The following RAB27A variants were observed in gnomAD, a reference collection of about 807,000 sequenced individuals.
The protein encoded by RAB27A is RAB27A, member RAS oncogene family.
A neutral mutation model predicts 20.8 loss-of-function variants in RAB27A; 17 were observed. The ratio of observed to expected loss-of-function variants is 0.82; its 90% CI spans 0.56 to 1.23. The LOEUF (loss-of-function observed/expected upper bound fraction) is 1.23, where lower values mean the gene tolerates loss of function less well. Among genes scored for constraint, RAB27A ranks in the 50% most tolerant of loss-of-function variants. RAB27A has a pLI of 0.00. For missense variants in RAB27A, 277 were observed against 266.7 expected (o/e 1.04, Z -0.27); for synonymous variants, 85 against 92.8 (o/e 0.92, Z 0.48).
intron 2 of RAB27A, among the ~76,000 whole-genome samples, chr15:55,250,879 T>G (rs1896863668): frequency 6.6e-6 from 1 of 152,198 alleles, no homozygotes; most frequent in Non-Finnish European, 1.5e-5. Context: ...ATAAAACTGT[T>G]TCTTCAAATA....
rs1395750796 is a variant in RAB27A at position 55,209,807 on chromosome 15, TAC to T, written c.468-4104_468-4103del. ...ACATATGTGTGTATGTATACATATA[TAC>T]ACACATGTGTGTATATATACATATA... On this transcript the variant is annotated intron_variant, in intron 6 of 6. Coordinates refer to ENST00000336787, the MANE Select transcript of RAB27A (RefSeq NM_183235.3). 1.1e-4 allele frequency among the ~76,000 whole-genome samples: 14 copies of T among 125,582 alleles called. 2 individuals are homozygous for T. The highest frequency in any genetic ancestry group is 2.9e-4 in the African/African-American group (8 of 27,960). The allele number at this position is 125,582 out of a possible 152,430, so 82.4% of individuals were successfully genotyped here. A position where few individuals can be genotyped will look rare whatever the true frequency, so the allele number is the denominator to read the frequency against.
intron 2 of RAB27A, chr15:55,260,082 A>G (rs1448216791): frequency 6.6e-6 from 1 of 152,134 alleles, no homozygotes; most frequent in African/African-American, 2.4e-5. Context: ...CTACCTAAGT[A>G]CATGCATATT....
At chr15:55,317,416 G>C (rs1451377896) in intron 1 of RAB27A, 1 of 235,508 alleles carries the variant, frequency 4.2e-6, no homozygotes, top group East Asian at 7.7e-5. Flanking sequence ...CCAGGTTCAA[G>C]TGATGCTCCT....
chr15:55,235,332 C>T (rs1896210690), intron 2 of RAB27A, among the ~76,000 whole-genome samples: 1 of 152,032 alleles, frequency 6.6e-6, no homozygotes, highest in African/African-American at 2.4e-5. Flanking sequence ...CCTATAATCC[C>T]AGCTACTCAG....
chr15:55,266,271 A>G (rs1897480376), intron 2 of RAB27A, among the ~76,000 whole-genome samples: 1 of 152,178 alleles, frequency 6.6e-6, no homozygotes, highest in Admixed American at 6.5e-5. Context: ...CTCTCACCAA[A>G]ATCTGAGCAT....
At chr15:55,255,984 A>C (rs982485707) in intron 2 of RAB27A, among the ~76,000 whole-genome samples, 1 of 152,170 alleles carries the variant, frequency 6.6e-6, no homozygotes, top group African/African-American at 2.4e-5. Flanking sequence ...TTTCCTCAAT[A>C]TGGGAATATT....
intron 1 of RAB27A, chr15:55,289,469 G>A (rs544343178): frequency 6.5e-6 from 1 of 152,742 alleles, no homozygotes; most frequent in East Asian, 1.9e-4. Context: ...CAACCCGGAG[G>A]CGATCTGAGA....
At chr15:55,263,654 A>T (rs1376218078) in intron 2 of RAB27A, among the ~76,000 whole-genome samples, 1 of 152,234 alleles carries the variant, frequency 6.6e-6, no homozygotes, top group East Asian at 1.9e-4. Context: ...TCAACACTGT[A>T]TGTTAAAGAG....
intron 5 of RAB27A, 37 bp from the exon 6 acceptor site, chr15:55,224,049 A>T: frequency 6.8e-7 from 1 of 1,468,816 alleles, no homozygotes. Context: ...TATGTAAATA[A>T]TAATGTAAGT....
chr15:55,253,350 G>A (rs1188490887), intron 2 of RAB27A, among the ~76,000 whole-genome samples: 1 of 151,518 alleles, frequency 6.6e-6, no homozygotes, highest in Non-Finnish European at 1.5e-5. Context: ...CAGAGGCTAA[G>A]GCAGGAGAAT....
At chr15:55,312,598 A>G (rs2055026173) in intron 2 of RAB27A, among the ~76,000 whole-genome samples, 1 of 152,136 alleles carries the variant, frequency 6.6e-6, no homozygotes, top group African/African-American at 2.4e-5. Context: ...CCTAGTGAAC[A>G]TGAAATGGTA....
rs530842057 is a variant in RAB27A, at chr15:55,318,263, AATTTTTTGT to A, written c.-234+659_-234+667del. ...CAGGCGCGTGTCACCACACCCGGCT[AATTTTTTGT>A]ATTTTTTGTAGAGACGGGGTTTCAC... On this transcript the variant is annotated intron_variant, in intron 1 of 5. Transcript: ENST00000563262. Among the ~76,000 whole-genome samples, 601 of 151,532 alleles carry A rather than the reference AATTTTTTGT, an allele frequency of 4.0e-3. 1 individual carries two copies. Among genetic ancestry groups the A allele is most frequent in the African/African-American group, 0.014 (563 of 41,408 alleles).
intron 6 of RAB27A, among the ~76,000 whole-genome samples, chr15:55,208,513 G>A (rs1894761726): frequency 6.6e-6 from 1 of 152,178 alleles, no homozygotes; most frequent in Admixed American, 6.5e-5. Flanking sequence ...TCCTCCACAT[G>A]TCAGCTTTCT....
At chr15:55,305,893 C>T (rs915510252) in intron 2 of RAB27A, among the ~76,000 whole-genome samples, 2 of 152,160 alleles carry the variant, frequency 1.3e-5, no homozygotes, top group African/African-American at 2.4e-5. Context: ...AGTACCTATT[C>T]CGCCTAGCAC....
At chr15:55,214,216 C>T (rs1180257601) in intron 6 of RAB27A, among the ~76,000 whole-genome samples, 3 of 152,142 alleles carry the variant, frequency 2.0e-5, no homozygotes, top group Non-Finnish European at 1.5e-5. Flanking sequence ...GCGGGCGGAT[C>T]ACGAAGTCGG....
chr15:55,299,667 G>C lies in RAB27A; in HGVS notation c.-112+14372C>G, dbSNP rs528009907. On this transcript the variant is annotated intron_variant, in intron 2 of 5. Coordinates refer to the RAB27A transcript ENST00000563262. ...TGGCTCCAGAATAAAGGAAACAAGA[G>C]ACATGACAACTAAATTCAAATATGA... Among the ~76,000 whole-genome samples, 7 of 151,248 alleles carry C rather than the reference G, an allele frequency of 4.6e-5. No individual in the cohort carries two copies. The South Asian group carries it at 1.5e-3, about 32-fold the overall frequency.
At chr15:55,288,513 TC>T (rs1445891078) in intron 1 of RAB27A, among the ~76,000 whole-genome samples, 1 of 151,482 alleles carries the variant, frequency 6.6e-6, no homozygotes, top group African/African-American at 2.4e-5. Context: ...AGAGTGAGAC[TC>T]TGTCTCAAAA....
intron 2 of RAB27A, among the ~76,000 whole-genome samples, chr15:55,252,592 A>T (rs1047067280): frequency 6.6e-6 from 1 of 152,086 alleles, no homozygotes; most frequent in East Asian, 1.9e-4. Context: ...ACAGAGTGAG[A>T]TTCCATCTCA....
intron 2 of RAB27A, among the ~76,000 whole-genome samples, chr15:55,242,445 C>T (rs1056649224): frequency 3.3e-5 from 5 of 152,102 alleles, no homozygotes; most frequent in Admixed American, 2.6e-4. Flanking sequence ...AATAACAGTA[C>T]TAATCTCATT....
Sources: allele counts gnomAD v4.1 joint callset (sites outside exome capture counted in the v4.1 genomes callset), GRCh38; gene constraint gnomAD v4.1.1; transcripts MANE v1.5; gene names NCBI Gene and HGNC (gene_info 2026-07-23, HGNC 2026-07-21).